Variants in RASSF2 observed in about 807,000 individuals in gnomAD.
RASSF2 encodes the protein ras association domain-containing protein 2.
In RASSF2, 34 loss-of-function variants were observed where a neutral mutation model predicts 46.3. The observed-to-expected ratio is 0.73, with a 90% CI of 0.56 to 0.98. The LOEUF is 0.98. Ranked by LOEUF, RASSF2 falls within the 50% of genes least tolerant of loss-of-function variation. The pLI is 0.00. For synonymous variants in RASSF2, 158 were observed against 162.5 expected (o/e 0.97, Z 0.21); for missense variants, 364 against 431.2 (o/e 0.84, Z 1.38).
chr20:4,784,339 G>A lies in RASSF2; in HGVS notation c.915C>T (p.Tyr305=). Residue 305 remains tyrosine (Y), a synonymous_variant, in exon 12 of 12, where the codon TAC becomes TAT. Coordinates refer to ENST00000379400, the MANE Select transcript of RASSF2 (RefSeq NM_014737.3). ...GTCGAATCATTAGCCGGAGCACGGT[G>A]TACCTGGAGACAAGAAACAGGCTCA... The part of the protein sequence containing the change: ...DREVKKLMRK[Y]TVLRLMIRQR... 11 of 1,613,680 alleles carry A rather than the reference G, an allele frequency of 6.8e-6. No homozygotes were observed. Among genetic ancestry groups the A allele is most frequent in the Non-Finnish European group, 9.3e-6 (11 of 1,179,698 alleles).
intron 8 of RASSF2, 103 bp from the exon 9 acceptor site, chr20:4,788,371 G>T: frequency 9.3e-7 from 1 of 1,070,876 alleles, no homozygotes; most frequent in Non-Finnish European, 1.4e-6. Context: ...TCAATTTTAG[G>T]CTGTTTTGAG....
intron 2 of RASSF2, among the ~76,000 whole-genome samples, chr20:4,801,933 T>G (rs1926905751): frequency 6.6e-6 from 1 of 152,084 alleles, no homozygotes; most frequent in Admixed American, 6.6e-5. Flanking sequence ...AGAGGAAGGG[T>G]TTCACCATGT....
intron 2 of RASSF2, among the ~76,000 whole-genome samples, chr20:4,810,651 G>A (rs13037795): frequency 0.38 from 57,720 of 152,100 alleles, 11,194 homozygotes; most frequent in Admixed American, 0.49. Context: ...AGTCCAGGGT[G>A]AGAGAGGGGA....
intron 10 of RASSF2, 93 bp downstream of exon 10, chr20:4,787,540 G>A (rs1468305519): frequency 8.6e-6 from 13 of 1,519,574 alleles, no homozygotes; most frequent in Middle Eastern, 1.7e-4. Context: ...CATGGTCGTT[G>A]GTCAAAAAAG....
rs1488010682 is a variant in RASSF2, at chr20:4,783,503, T to G, written c.*770A>C. 1 of 152,666 alleles carries G rather than the reference T, an allele frequency of 6.6e-6. No homozygotes were observed. Among genetic ancestry groups the G allele is most frequent in the East Asian group, 1.9e-4 (1 of 5,202 alleles). The allele number at this position is 152,666 out of a possible 1,614,324, so 9.5% of individuals were successfully genotyped here. The stretch of plus-strand genomic sequence containing the variant: ...CTTCTCTGTCTCCTAAAGGTAGCCA[T>G]GGAGGCAGAGATGGAGGCAGAATCC... On this transcript the variant is annotated 3_prime_UTR_variant, in exon 12 of 12. Coordinates refer to ENST00000379400, the MANE Select transcript of RASSF2 (RefSeq NM_014737.3).
At position 4,802,895 on chromosome 20, in the gene RASSF2, TAC is replaced by T. The variant is rs1336910541; in HGVS notation, c.-32-1835_-32-1834del. Among the ~76,000 whole-genome samples, 588 of 82,710 alleles carry T rather than the reference TAC, an allele frequency of 7.1e-3. 11 individuals carry two copies. Among genetic ancestry groups the T allele is most frequent in the Admixed American group, 0.051 (358 of 7,034 alleles). 54.3% of individuals were successfully genotyped at this position (82,710 alleles called of 152,430 possible). ...GTATGTGTGTGTGTATATATATATA[TAC>T]ATATATATATATATATATTTTTTTT... On this transcript the variant is annotated intron_variant, in intron 2 of 11. Coordinates refer to ENST00000379400, the MANE Select transcript of RASSF2 (RefSeq NM_014737.3).
chr20:4,814,852 A>G (rs2423039), intron 2 of RASSF2, among the ~76,000 whole-genome samples: 9,858 of 151,968 alleles, frequency 0.065, 479 homozygotes, highest in African/African-American at 0.13. Flanking sequence ...CACATTCACA[A>G]CCTCCTCTGT....
chr20:4,821,994 G>T (rs1406724446), intron 2 of RASSF2, among the ~76,000 whole-genome samples: 1 of 152,190 alleles, frequency 6.6e-6, no homozygotes, highest in East Asian at 1.9e-4. Flanking sequence ...AAGTGTTTTG[G>T]TTTTTTTGAA....
chr20:4,783,813 G>T lies in RASSF2; in HGVS notation c.*460C>A, dbSNP rs906375825. 6.3e-6 allele frequency: 1 copy of T among 159,362 alleles called. No individual in the cohort carries two copies. The highest frequency in any genetic ancestry group is 1.4e-5 in the Non-Finnish European group (1 of 72,024). The allele number at this position is 159,362 out of a possible 1,614,324, so 9.9% of individuals were successfully genotyped here. ...CCTCTTCCCTCTCTAAACACAGACA[G>T]ACGTGTGGCTGCTCCCTGGCACTTG... On this transcript the variant is annotated 3_prime_UTR_variant, in exon 12 of 12. Coordinates refer to ENST00000379400, the MANE Select transcript of RASSF2 (RefSeq NM_014737.3).
rs182989835 is a variant in RASSF2, at chr20:4,809,565, C to T, written c.-32-8503G>A. The stretch of plus-strand genomic sequence containing the variant: ...TTCCTCTCTGGCCCCCAGCCCCCAG[C>T]TCCCAGCCTGTGCCTCTCCTGCACC... On this transcript the variant is annotated intron_variant, in intron 2 of 11. Transcript: ENST00000379400. Among the ~76,000 whole-genome samples, 800 of 151,822 alleles carry T rather than the reference C, an allele frequency of 5.3e-3. 7 individuals are homozygous for T. Among genetic ancestry groups the T allele is most frequent in the African/African-American group, 0.018 (734 of 41,526 alleles).
intron 6 of RASSF2, among the ~76,000 whole-genome samples, chr20:4,791,747 T>A (rs894545966): frequency 6.6e-6 from 1 of 152,266 alleles, no homozygotes; most frequent in African/African-American, 2.4e-5. Flanking sequence ...CAAACTCGTT[T>A]GTCATAGCAG....
intron 2 of RASSF2, among the ~76,000 whole-genome samples, chr20:4,818,961 T>C (rs1349627317): frequency 5.9e-5 from 9 of 152,332 alleles, no homozygotes; most frequent in Non-Finnish European, 4.4e-5. Context: ...TTTTCTTTTC[T>C]TTTTTCTTTC....
Position 4,790,592 on chromosome 20 carries a change from G to C in RASSF2, c.396C>G (p.Pro132=). The stretch of plus-strand genomic sequence containing the variant: ...TCAGCTGTGGGGTGTCCTCCTGCAG[G>C]GGCTTCAGGCCCCTGGAGTCTGAGA... ...PSSTDSRGLK[P]LQEDTPQLMR... Residue 132 remains proline (P), a synonymous_variant, in exon 7 of 12, where the codon CCC becomes CCG. Coordinates refer to ENST00000379400, the MANE Select transcript of RASSF2 (RefSeq NM_014737.3). This position sits in a 1 kb window ranked among gnomAD's most constrained non-coding sequence, Gnocchi z 4.3. The C allele has an allele frequency of 6.5e-7, 1 of 1,527,938 alleles. No homozygotes were observed. The highest frequency in any genetic ancestry group is 8.7e-7 in the Non-Finnish European group (1 of 1,148,170). 94.6% of individuals were successfully genotyped at this position (1,527,938 alleles called of 1,614,324 possible).
At chr20:4,804,932 G>A (rs1187862829) in intron 2 of RASSF2, among the ~76,000 whole-genome samples, 1 of 152,042 alleles carries the variant, frequency 6.6e-6, no homozygotes, top group Non-Finnish European at 1.5e-5. Context: ...GGGGCTTTCT[G>A]GAGGAAGAGA....
intron 11 of RASSF2, among the ~76,000 whole-genome samples, chr20:4,785,743 G>GT (rs1925272780): frequency 1.3e-5 from 2 of 152,076 alleles, no homozygotes; most frequent in South Asian, 4.1e-4. Flanking sequence ...CAGGCAAGGG[G>GT]TGGTAACACT....
At chr20:4,822,189 T>C (rs1232140196) in intron 2 of RASSF2, 140 bp downstream of exon 2, 5 of 152,268 alleles carry the variant, frequency 3.3e-5, no homozygotes, top group Non-Finnish European at 7.3e-5. Flanking sequence ...CCCGGCTGTT[T>C]AAAAGAATCA....
At position 4,782,171 on chromosome 20, in the gene RASSF2, T is replaced by C. The variant is rs981050181; in HGVS notation, c.*2102A>G. ...AGTATTTCCCCATCTAACACTATCG[T>C]AGTGCTAGTGCAAATCAAAGAGAAC... On this transcript the variant is annotated 3_prime_UTR_variant, in exon 12 of 12. Transcript: ENST00000379400. 1 of 152,302 alleles carries C rather than the reference T, an allele frequency of 6.6e-6. No homozygotes were observed. The highest frequency in any genetic ancestry group is 2.4e-5 in the African/African-American group (1 of 41,456). 9.4% of individuals were successfully genotyped at this position (152,302 alleles called of 1,614,324 possible).
At chr20:4,810,566 G>T (rs536178752) in intron 2 of RASSF2, among the ~76,000 whole-genome samples, 1 of 152,306 alleles carries the variant, frequency 6.6e-6, no homozygotes, top group African/African-American at 2.4e-5. Flanking sequence ...TTCAGTTCCA[G>T]CCTGGAGACC....
chr20:4,789,653 GC>G lies in RASSF2; in HGVS notation c.581del (p.Arg194ProfsTer6). 4 of 1,614,172 alleles carry G rather than the reference GC, an allele frequency of 2.5e-6. No homozygotes were observed. The highest frequency in any genetic ancestry group is 3.4e-6 in the Non-Finnish European group (4 of 1,180,042). ...TPAYGSVTNVRINSTMTTPQV... is the reference protein window; with the variant it reads ...TPAYGSVTNVXINSTMTTPQV... Reference sequence around the variant, plus strand: ...GTGGGGTGGTCATGGTGCTGTTGATGCGGACGTTGGTGACAGAGCCATAGGC... The same window carrying G: ...GTGGGGTGGTCATGGTGCTGTTGATGGGACGTTGGTGACAGAGCCATAGGC... On this transcript the variant is annotated frameshift_variant, in exon 8 of 12. Transcript: ENST00000379400. LOFTEE classifies it high-confidence loss of function.
Sources: allele counts gnomAD v4.1 joint callset (sites outside exome capture counted in the v4.1 genomes callset), GRCh38; gene constraint gnomAD v4.1.1; non-coding constraint Gnocchi (gnomAD v3.1); transcripts MANE v1.5; gene names NCBI Gene and HGNC (gene_info 2026-07-23, HGNC 2026-07-21).